SLC37A1: variants seen among roughly 807,000 people sequenced by gnomAD.
SLC37A1 encodes the protein solute carrier family 37 member 1.
In SLC37A1, 49 loss-of-function variants were observed where a neutral mutation model predicts 75.3. The ratio of observed to expected loss-of-function variants is 0.65; its 90% CI spans 0.52 to 0.83. The LOEUF (loss-of-function observed/expected upper bound fraction) is 0.83, where lower values mean the gene tolerates loss of function less well. Ranked by LOEUF, SLC37A1 falls within the 40% of genes least tolerant of loss-of-function variation. The probability of loss-of-function intolerance (pLI) is 0.00; values close to 1 mark genes in which losing one functional copy is unlikely to be tolerated. For missense variants in SLC37A1, 566 were observed against 695.0 expected, an observed-to-expected ratio of 0.81 and a Z score of 2.09; for synonymous variants, 268 against 292.1, an observed-to-expected ratio of 0.92 and a Z score of 0.84.
At chr21:42,560,696 G>GAAA (rs2055808445) in intron 11 of SLC37A1, among the ~76,000 whole-genome samples, 1 of 152,234 alleles carries the variant, frequency 6.6e-6, no homozygotes, top group Non-Finnish European at 1.5e-5. Flanking sequence ...AGCTTATGGG[G>GAAA]AAAGGGCTGT....
chr21:42,524,084 C>T (rs778219494), intron 2 of SLC37A1, among the ~76,000 whole-genome samples: 9 of 152,210 alleles, frequency 5.9e-5, no homozygotes, highest in Middle Eastern at 3.4e-3. Context: ...CAGGGACTCT[C>T]GGAAACGCTG....
chr21:42,550,539 C>T (rs904381946), intron 9 of SLC37A1, among the ~76,000 whole-genome samples: 11 of 152,188 alleles, frequency 7.2e-5, no homozygotes, highest in African/African-American at 2.4e-4. Flanking sequence ...AGAGCTAATA[C>T]TAATTACTCA....
At chr21:42,513,463 C>T (rs913936683), upstream of SLC37A1, among the ~76,000 whole-genome samples, 2 of 152,188 alleles carry the variant, frequency 1.3e-5, no homozygotes, top group Non-Finnish European at 2.9e-5. Flanking sequence ...AGCAAAGGCC[C>T]TCTTTGGGGG....
At chr21:42,537,457 C>A (rs1290644462) in intron 5 of SLC37A1, among the ~76,000 whole-genome samples, 1 of 152,194 alleles carries the variant, frequency 6.6e-6, no homozygotes, top group Non-Finnish European at 1.5e-5. Context: ...TTCTCAGTTA[C>A]TGGAAAACTG....
upstream of SLC37A1, among the ~76,000 whole-genome samples, chr21:42,512,106 G>A (rs2054440501): frequency 6.7e-6 from 1 of 149,496 alleles, no homozygotes; most frequent in South Asian, 2.1e-4. Flanking sequence ...GAGGTGATTG[G>A]ATATACTAGC....
At chr21:42,576,684 G>A (rs1392929202) in intron 18 of SLC37A1, among the ~76,000 whole-genome samples, 2 of 152,140 alleles carry the variant, frequency 1.3e-5, no homozygotes, top group Non-Finnish European at 2.9e-5. Flanking sequence ...AGACACTATT[G>A]AAAAGACAGA....
chr21:42,568,576 G>A, intron 17 of SLC37A1, 138 bp downstream of exon 17: 1 of 813,112 alleles, frequency 1.2e-6, no homozygotes, highest in Non-Finnish European at 2.0e-6. Flanking sequence ...ACGAGCAGAT[G>A]AGCAGGGGAC....
chr21:42,506,717 G>T (rs1005913986), intron 2 of SLC37A1, among the ~76,000 whole-genome samples: 3 of 151,956 alleles, frequency 2.0e-5, no homozygotes, highest in African/African-American at 7.2e-5. Context: ...ACTTTCACAG[G>T]GTCCCAAAAA....
In SLC37A1 at chr21:42,564,655, C is replaced by T. The variant is rs2055926010; in HGVS notation, c.1136-53C>T. On this transcript the variant is annotated intron_variant, in intron 13 of 19. Coordinates refer to ENST00000352133, the MANE Select transcript of SLC37A1 (RefSeq NM_001320537.2). ...AGCTCCTGCAGTTCTGCTTCCTCCC[C>T]GTGGGCTCATGCCCTGGGACGTCAG... 1.6e-5 allele frequency: 24 copies of T among 1,464,122 alleles called. No individual in the cohort carries two copies. The South Asian group carries it at 1.7e-4, about 10-fold the overall frequency. 90.7% of individuals were successfully genotyped at this position (1,464,122 alleles called of 1,614,324 possible).
intron 7 of SLC37A1, among the ~76,000 whole-genome samples, chr21:42,543,182 CTCTT>C (rs1419069755): frequency 6.6e-6 from 1 of 152,224 alleles, no homozygotes; most frequent in South Asian, 2.1e-4. Flanking sequence ...AGGGAAAGGC[CTCTT>C]TCTTCTTCTT....
intron 2 of SLC37A1, 135 bp downstream of exon 2, chr21:42,518,645 A>C (rs111503023): frequency 9.7e-7 from 1 of 1,026,512 alleles, no homozygotes; most frequent in African/African-American, 1.6e-5. Context: ...TAACCGTTGA[A>C]TTGCTTTTTG....
intron 2 of SLC37A1, among the ~76,000 whole-genome samples, chr21:42,518,891 G>T (rs1474587586): frequency 6.6e-6 from 1 of 152,228 alleles, no homozygotes; most frequent in Non-Finnish European, 1.5e-5. Context: ...CCTTGCCGGG[G>T]CAGAACTTTC....
At chr21:42,580,254 A>T (rs944763680) in intron 19 of SLC37A1, 91 bp from the exon 20 acceptor site, 1 of 1,476,046 alleles carries the variant, frequency 6.8e-7, no homozygotes, top group Non-Finnish European at 9.3e-7. Context: ...CTGGCTCCCC[A>T]TAGGATTTGC....
In SLC37A1 at chr21:42,552,476, C is replaced by T. The variant is rs141104926; in HGVS notation, c.769-1586C>T. 6.6e-6 allele frequency among the ~76,000 whole-genome samples: 1 copy of T among 152,334 alleles called. No homozygotes were observed. Among genetic ancestry groups the T allele is most frequent in the East Asian group, 1.9e-4 (1 of 5,186 alleles). On this transcript the variant is annotated intron_variant, in intron 9 of 19. Coordinates refer to ENST00000352133, the MANE Select transcript of SLC37A1 (RefSeq NM_001320537.2). This position sits in a 1 kb window ranked among gnomAD's most constrained non-coding sequence, Gnocchi z 4.2. ...CACAGACTCCTCTTGTCTTTTCGTT[C>T]TTCCCCTGTGCATGGCTTCATGCCA...
intron 18 of SLC37A1, 98 bp from the exon 19 acceptor site, chr21:42,579,638 C>T (rs981074928): frequency 2.6e-5 from 29 of 1,113,174 alleles, no homozygotes; most frequent in African/African-American, 1.5e-4. Context: ...GAGAGCCACC[C>T]GCCCAGGCCT....
upstream of SLC37A1, among the ~76,000 whole-genome samples, chr21:42,511,082 T>TG (rs1174882824): frequency 1.7e-4 from 26 of 152,350 alleles, no homozygotes; most frequent in East Asian, 1.5e-3. Context: ...ATAGATCATA[T>TG]GTTAGGCCAC....
At chr21:42,556,122 C>T (rs1001993615) in intron 10 of SLC37A1, among the ~76,000 whole-genome samples, 6 of 152,142 alleles carry the variant, frequency 3.9e-5, no homozygotes, top group African/African-American at 7.2e-5. Flanking sequence ...AGCTGGGGGG[C>T]GGGGAGCAAA....
At chr21:42,506,223 G>A (rs922906440) in intron 2 of SLC37A1, among the ~76,000 whole-genome samples, 9 of 152,158 alleles carry the variant, frequency 5.9e-5, no homozygotes, top group African/African-American at 1.7e-4. Flanking sequence ...AACTTTGTAG[G>A]CATATTTGAT....
At chr21:42,512,116 C>T (rs1426865890), upstream of SLC37A1, among the ~76,000 whole-genome samples, 1 of 149,146 alleles carries the variant, frequency 6.7e-6, no homozygotes, top group Non-Finnish European at 1.5e-5. Context: ...GATATACTAG[C>T]TTGACTGTGG....
Sources: allele counts gnomAD v4.1 joint callset (sites outside exome capture counted in the v4.1 genomes callset), GRCh38; gene constraint gnomAD v4.1.1; non-coding constraint Gnocchi (gnomAD v3.1); transcripts MANE v1.5; gene names NCBI Gene and HGNC (gene_info 2026-07-23, HGNC 2026-07-21).